LBHD1: variants seen among roughly 807,000 people sequenced by gnomAD.
The protein encoded by LBHD1 is LBH domain containing 1, also known as LBH domain-containing protein 1.
LBHD1 carries 28 observed loss-of-function variants against 31.1 expected under a neutral mutation model. The observed-to-expected ratio is 0.90, with a 90% confidence interval of 0.67 to 1.24. The LOEUF is 1.24. Among genes scored for constraint, LBHD1 ranks in the 50% most tolerant of loss-of-function variants. The pLI is 0.00. For missense variants in LBHD1, 350 were observed against 323.0 expected, an observed-to-expected ratio of 1.08 and a Z score of -0.64; for synonymous variants, 105 against 116.5, an observed-to-expected ratio of 0.90 and a Z score of 0.63.
chr11:62,667,589 C>A lies in LBHD1; in HGVS notation c.472G>T (p.Gly158Cys). 6.2e-7 allele frequency: 1 copy of A among 1,614,098 alleles called. No individual in the cohort carries two copies. Among genetic ancestry groups the A allele is most frequent in the Non-Finnish European group, 8.5e-7 (1 of 1,180,018 alleles). ...TNHCPFWDST[G>C]SRVCRSGFVE... ...AAGCCACTTCTACAAACACGGGAGC[C>A]TGTTGAGTCCCAGAAGGGACAGTGG... is the stretch of plus-strand genomic sequence containing the variant. The change falls in exon 4 of 7, where the codon GGC becomes TGC. Residue 158 changes from glycine to cysteine, a missense_variant. Coordinates refer to ENST00000354588, the MANE Select transcript of LBHD1 (RefSeq NM_024099.5).
Position 62,663,104 on chromosome 11 carries a change from C to T in LBHD1, c.*25G>A. ...CTACATCCTGGGGGGCTTTTGTCTT[C>T]TTTTGCCTTTTGAGCTGTGGTTCAC... On this transcript the variant is annotated 3_prime_UTR_variant, in exon 7 of 7. Coordinates refer to ENST00000354588, the MANE Select transcript of LBHD1 (RefSeq NM_024099.5). 6.2e-7 allele frequency: 1 copy of T among 1,613,862 alleles called. No homozygotes were observed. Among genetic ancestry groups the T allele is most frequent in the Non-Finnish European group, 8.5e-7 (1 of 1,179,876 alleles).
chr11:62,666,711 C>T lies in LBHD1; in HGVS notation c.538+812G>A, dbSNP rs533414913. ...CTGGAGGGTGGCCCAGGCCAAACAC[C>T]TCTATGCCCTGGACACCCTGCCTCA... On this transcript the variant is annotated intron_variant, in intron 4 of 6. Transcript: ENST00000354588. The T allele has an allele frequency of 1.5e-5, 24 of 1,614,118 alleles. No homozygotes were observed. In the African/African-American group the frequency reaches 2.5e-4, roughly 17 times the overall value.
chr11:62,664,778 G>A, intron 5 of LBHD1, 71 bp downstream of exon 5: 1 of 1,527,934 alleles, frequency 6.5e-7, no homozygotes, highest in Non-Finnish European at 8.8e-7. Context: ...AGGTGAAGCT[G>A]CTCCGGAGCT....
intron 1 of LBHD1, 51 bp downstream of exon 1, chr11:62,671,513 T>C: frequency 7.2e-7 from 1 of 1,395,958 alleles, no homozygotes; most frequent in Non-Finnish European, 9.3e-7. Context: ...GTCCCCGCGC[T>C]CAGCCCTTGG....
In LBHD1 at chr11:62,672,263, C is replaced by A; in HGVS notation, c.-710G>T. 1.2e-6 allele frequency: 1 copy of A among 825,036 alleles called. No individual in the cohort carries two copies. Among genetic ancestry groups the A allele is most frequent in the Non-Finnish European group, 1.9e-6 (1 of 536,298 alleles). The allele number at this position is 825,036 out of a possible 1,614,324, so 51.1% of individuals were successfully genotyped here. On this transcript the variant is annotated 5_prime_UTR_variant, in exon 1 of 7. Coordinates refer to ENST00000354588, the MANE Select transcript of LBHD1 (RefSeq NM_024099.5). ...CCTGTGAGCTGCCGTCGGGTGAGCA[C>A]GTTTCCCCCAAACCCTGGACTGACT... is the stretch of plus-strand genomic sequence containing the variant.
intron 1 of LBHD1, chr11:62,670,330 T>C (rs994397881): frequency 9.8e-5 from 39 of 398,466 alleles, no homozygotes; most frequent in African/African-American, 3.3e-4. Flanking sequence ...CTGACTCCTA[T>C]GCTTACTGAT....
intron 6 of LBHD1, 30 bp downstream of exon 6, chr11:62,663,206 T>C (rs768140456): frequency 1.2e-5 from 19 of 1,613,682 alleles, no homozygotes; most frequent in Non-Finnish European, 1.3e-5. Context: ...AATCCAGGAT[T>C]CCCCTCACCC....
intron 3 of LBHD1, among the ~76,000 whole-genome samples, chr11:62,669,087 AT>A (rs1184340259): frequency 1.3e-5 from 2 of 151,012 alleles, no homozygotes; most frequent in South Asian, 2.1e-4. Flanking sequence ...CGCCCGGCTA[AT>A]TTTTTGTATT....
At chr11:62,664,326 C>CTTTTT (rs35917869) in intron 5 of LBHD1, among the ~76,000 whole-genome samples, 6 of 77,446 alleles carry the variant, frequency 7.7e-5, no homozygotes, top group Non-Finnish European at 1.1e-4. Context: ...TCCTGATATT[C>CTTTTT]TTTTTTTTTT....
chr11:62,666,438 A>G, intron 4 of LBHD1: 2 of 1,612,772 alleles, frequency 1.2e-6, no homozygotes, highest in Non-Finnish European at 1.7e-6. Context: ...TGTCTCTGGG[A>G]TCGGCTGCAT....
intron 5 of LBHD1, among the ~76,000 whole-genome samples, chr11:62,664,475 T>G (rs1423422827): frequency 1.3e-5 from 2 of 151,678 alleles, no homozygotes; most frequent in African/African-American, 4.8e-5. Flanking sequence ...GGACTACAGG[T>G]GCCGGCCACA....
Position 62,671,552 on chromosome 11 carries a change from C to A in LBHD1, c.-11+12G>T. 2 of 1,428,740 alleles carry A rather than the reference C, an allele frequency of 1.4e-6. No individual in the cohort carries two copies. The highest frequency in any genetic ancestry group is 9.1e-7 in the Non-Finnish European group (1 of 1,094,582). 88.5% of individuals were successfully genotyped at this position (1,428,740 alleles called of 1,614,324 possible). On this transcript the variant is annotated intron_variant, in intron 1 of 6. Transcript: ENST00000354588. ...CAGCACTTCTTGGACACCTCAACCC[C>A]CTCAGCTAAACCTGAGATCCAAGCG...
chr11:62,666,128 G>T, intron 4 of LBHD1: 2 of 798,616 alleles, frequency 2.5e-6, no homozygotes, highest in Non-Finnish European at 3.9e-6. Context: ...CGGGCAGATC[G>T]CTTGGCCCAG....
At chr11:62,665,585 G>T (rs1944784507) in intron 4 of LBHD1, 2 of 1,568,040 alleles carry the variant, frequency 1.3e-6, no homozygotes, top group Non-Finnish European at 8.6e-7. Context: ...TCTCGGAGAA[G>T]GACAACCGAG....
At chr11:62,669,119 A>T (rs1944893345) in intron 3 of LBHD1, among the ~76,000 whole-genome samples, 1 of 151,994 alleles carries the variant, frequency 6.6e-6, no homozygotes, top group Non-Finnish European at 1.5e-5. Context: ...ACGGGGTTTC[A>T]CCATGTTAGC....
rs750538799 is a variant in LBHD1 at position 62,671,911 on chromosome 11, C to G, written c.-358G>C. 5 of 1,613,182 alleles carry G rather than the reference C, an allele frequency of 3.1e-6. No individual in the cohort carries two copies. The highest frequency in any genetic ancestry group is 4.2e-6 in the Non-Finnish European group (5 of 1,179,410). The stretch of plus-strand genomic sequence containing the variant: ...CGAGGAAGGGTGGGCGGGTGGAGAG[C>G]CCCGGACTGGAGCTCCTGCGAACTC... On this transcript the variant is annotated 5_prime_UTR_variant, in exon 1 of 7. Coordinates refer to ENST00000354588, the MANE Select transcript of LBHD1 (RefSeq NM_024099.5).
chr11:62,664,721 C>A lies in LBHD1; in HGVS notation c.663+128G>T, dbSNP rs527663198. The A allele has an allele frequency of 1.4e-5, 18 of 1,252,632 alleles. No homozygotes were observed. In the South Asian group the frequency reaches 1.8e-4, roughly 12 times the overall value. 77.6% of individuals were successfully genotyped at this position (1,252,632 alleles called of 1,614,324 possible). ...GCTATCAGAGCTTAGGAACTAACAG[C>A]CGACAGACATTCCCCGCATAAGCGT... On this transcript the variant is annotated intron_variant, in intron 5 of 6. Transcript: ENST00000354588.
chr11:62,666,900 A>C, intron 4 of LBHD1: 1 of 1,614,184 alleles, frequency 6.2e-7, no homozygotes, highest in Non-Finnish European at 8.5e-7. Context: ...CTAAACCCTC[A>C]GGGGACCCTG....
At chr11:62,666,610 C>T in intron 4 of LBHD1, 1 of 1,614,156 alleles carries the variant, frequency 6.2e-7, no homozygotes, top group Non-Finnish European at 8.5e-7. Flanking sequence ...CAGGCCTCTA[C>T]ACCAAATCTC....
Sources: gnomAD v4.1 joint callset for allele counts (sites outside exome capture counted in the v4.1 genomes callset) on GRCh38, gnomAD v4.1.1 for gene constraint, MANE v1.5 for transcripts, NCBI Gene and HGNC (gene_info 2026-07-23, HGNC 2026-07-21) for gene names.